VWA8: variants seen among roughly 807,000 people sequenced by gnomAD.
VWA8 encodes von Willebrand factor A domain-containing protein 8.
A neutral mutation model predicts 241.5 loss-of-function variants in VWA8; 221 were observed. The ratio of observed to expected loss-of-function variants is 0.91; its 90% CI spans 0.82 to 1.02. The LOEUF is 1.02. VWA8 is among the 50% of genes least tolerant of loss of function. The pLI is 0.00. For missense variants in VWA8, 2,322 were observed against 2,328.7 expected (o/e 1.00, Z 0.06); for synonymous variants, 852 against 827.1 (o/e 1.03, Z -0.52).
At chr13:41,878,127 A>T (rs933777789) in intron 9 of VWA8, among the ~76,000 whole-genome samples, 1 of 152,078 alleles carries the variant, frequency 6.6e-6, no homozygotes, top group Non-Finnish European at 1.5e-5. Context: ...AGGAGAAAAA[A>T]TAATTATCAT....
chr13:41,643,352 C>G (rs1398242869), intron 37 of VWA8, among the ~76,000 whole-genome samples: 1 of 152,162 alleles, frequency 6.6e-6, no homozygotes, highest in Non-Finnish European at 1.5e-5. Flanking sequence ...CCAGCCATTG[C>G]CAGTCATCAC....
intron 37 of VWA8, among the ~76,000 whole-genome samples, chr13:41,625,748 T>C (rs2044685737): frequency 1.3e-5 from 2 of 151,954 alleles, no homozygotes; most frequent in South Asian, 4.2e-4. Flanking sequence ...GCCCAAAGGA[T>C]TATAAATCAT....
chr13:41,816,740 T>C lies in VWA8; in HGVS notation c.1905A>G (p.Leu635=). The C allele has an allele frequency of 6.2e-7, 1 of 1,613,734 alleles. No homozygotes were observed. The highest frequency in any genetic ancestry group is 1.1e-5 in the South Asian group (1 of 91,030). Residue 635 remains leucine, a synonymous_variant, in exon 16 of 45, where the codon TTA becomes TTG. Coordinates refer to ENST00000379310, the MANE Select transcript of VWA8 (RefSeq NM_015058.2). ...PNVPQEALDK[L]LSFTHKLRET... is the part of the protein sequence containing the mutation. ...CTCTGAGTTTGTGTGTAAATGATAA[T>C]AACTTATCCAGAGCTTCCTGAGGTA...
At chr13:41,699,480 T>A (rs8002075) in intron 28 of VWA8, among the ~76,000 whole-genome samples, 1 of 152,182 alleles carries the variant, frequency 6.6e-6, no homozygotes, top group Non-Finnish European at 1.5e-5. Context: ...CCTACCTACT[T>A]GAAAAAATTG....
intron 37 of VWA8, among the ~76,000 whole-genome samples, chr13:41,617,549 T>C (rs1438237532): frequency 2.6e-5 from 4 of 152,250 alleles, no homozygotes; most frequent in Admixed American, 6.5e-5. Context: ...GCAGGTTTGT[T>C]ACATATAGTA....
intron 17 of VWA8, among the ~76,000 whole-genome samples, chr13:41,806,001 T>TAAATAAAAAAAAAAAAAAAAAAA (rs1870183254): frequency 8.4e-6 from 1 of 118,884 alleles, no homozygotes; most frequent in African/African-American, 3.1e-5. Context: ...AATTCAAAAA[T>TAAATAAAAAAAAAAAAAAAAAAA]AAAAAAAAAA....
At chr13:41,871,338 G>T (rs1486310957) in intron 9 of VWA8, among the ~76,000 whole-genome samples, 1 of 151,688 alleles carries the variant, frequency 6.6e-6, no homozygotes, top group Non-Finnish European at 1.5e-5. Flanking sequence ...AAGTTTTAGG[G>T]TACATGTGCA....
chr13:41,882,790 C>T (rs1348598179), intron 9 of VWA8, among the ~76,000 whole-genome samples: 3 of 127,800 alleles, frequency 2.3e-5, no homozygotes, highest in East Asian at 4.7e-4. Flanking sequence ...AGAGGGAGAC[C>T]GTGGAAAGAG....
intron 2 of VWA8, among the ~76,000 whole-genome samples, chr13:41,916,527 G>A (rs1876264053): frequency 6.6e-6 from 1 of 152,160 alleles, no homozygotes; most frequent in African/African-American, 2.4e-5. Context: ...AAGTTATTTT[G>A]TAATGAATAT....
chr13:41,884,250 A>T (rs1460905385), intron 8 of VWA8, among the ~76,000 whole-genome samples: 6 of 152,132 alleles, frequency 3.9e-5, no homozygotes, highest in Non-Finnish European at 1.5e-5. Flanking sequence ...GTGGGAGACA[A>T]CTGAATCATG....
chr13:41,706,944 C>T (rs1335459260), intron 26 of VWA8, among the ~76,000 whole-genome samples: 1 of 152,130 alleles, frequency 6.6e-6, no homozygotes, highest in Non-Finnish European at 1.5e-5. Flanking sequence ...TTTTTATCTG[C>T]AATGTCATTC....
chr13:41,862,086 T>G (rs575720273), intron 12 of VWA8, among the ~76,000 whole-genome samples: 1 of 152,160 alleles, frequency 6.6e-6, no homozygotes, highest in African/African-American at 2.4e-5. Context: ...ATGATACTGG[T>G]ACAAAAACAG....
chr13:41,585,082 T>TAA (rs60095224), intron 42 of VWA8, among the ~76,000 whole-genome samples: 54 of 145,876 alleles, frequency 3.7e-4, no homozygotes, highest in East Asian at 9.9e-4. Context: ...TAACTGTCAA[T>TAA]AAAAAAAAAA....
intron 12 of VWA8, among the ~76,000 whole-genome samples, chr13:41,859,078 T>TA (rs371691723): frequency 3.8e-4 from 43 of 112,060 alleles, no homozygotes; most frequent in Admixed American, 8.4e-4. Flanking sequence ...ACCTGTCTCT[T>TA]AAAAAAAAAA....
At chr13:41,837,041 A>G (rs1218795847) in intron 12 of VWA8, among the ~76,000 whole-genome samples, 1 of 124,068 alleles carries the variant, frequency 8.1e-6, no homozygotes, top group Non-Finnish European at 1.7e-5. Context: ...TAGATGATAG[A>G]TAGATAGATA....
At chr13:41,803,416 T>G (rs976936748) in intron 17 of VWA8, among the ~76,000 whole-genome samples, 1 of 152,136 alleles carries the variant, frequency 6.6e-6, no homozygotes, top group Admixed American at 6.6e-5. Flanking sequence ...TACCTGAGAC[T>G]GGGAAATTTA....
intron 9 of VWA8, among the ~76,000 whole-genome samples, chr13:41,879,958 T>A (rs9566874): frequency 0.81 from 123,677 of 152,142 alleles, 51,129 homozygotes; most frequent in East Asian, 1. Context: ...ATCTTTCATA[T>A]GGAGGAATTA....
At chr13:41,882,702 GC>G (rs1874305802) in intron 9 of VWA8, among the ~76,000 whole-genome samples, 1 of 152,210 alleles carries the variant, frequency 6.6e-6, no homozygotes. Flanking sequence ...CACTCGGCAG[GC>G]TGAGGCAGGA....
chr13:41,709,677 C>A (rs1593711334), intron 26 of VWA8, among the ~76,000 whole-genome samples: 2 of 152,100 alleles, frequency 1.3e-5, no homozygotes, highest in African/African-American at 4.8e-5. Flanking sequence ...TTCACTGACT[C>A]TTCCCCAGGG....
Sources: gnomAD v4.1 joint callset for allele counts (sites outside exome capture counted in the v4.1 genomes callset) on GRCh38, gnomAD v4.1.1 for gene constraint, MANE v1.5 for transcripts, NCBI Gene and HGNC (gene_info 2026-07-23, HGNC 2026-07-21) for gene names.